Variants in NAV2 observed in about 807,000 individuals in gnomAD.
NAV2 encodes neuron navigator 2.
In NAV2, 54 loss-of-function variants were observed where a neutral mutation model predicts 223.2. The ratio of observed to expected loss-of-function variants is 0.24; its 90% CI spans 0.19 to 0.30. The LOEUF is 0.30. NAV2 is among the 10% of genes least tolerant of loss of function. The pLI is 1.00. For missense variants in NAV2, 2,806 were observed against 3,147.5 expected (o/e 0.89, Z 2.60); for synonymous variants, 1,279 against 1,239.3 (o/e 1.03, Z -0.67).
intron 1 of NAV2, among the ~76,000 whole-genome samples, chr11:19,730,510 G>A (rs1020009534): frequency 4.0e-4 from 61 of 152,218 alleles, no homozygotes; most frequent in African/African-American, 1.4e-3. Context: ...GGCTGGGGCC[G>A]GGCAGGCAGT....
At chr11:20,008,333 A>G (rs912967316) in intron 11 of NAV2, among the ~76,000 whole-genome samples, 7 of 152,132 alleles carry the variant, frequency 4.6e-5, no homozygotes, top group Admixed American at 2.6e-4. Flanking sequence ...ACTCCAGCCT[A>G]GGTGAAAAAG....
intron 2 of NAV2, 77 bp from the exon 3 acceptor site, chr11:19,842,794 C>T (rs2060581269): frequency 7.2e-7 from 1 of 1,394,802 alleles, no homozygotes; most frequent in Non-Finnish European, 1.0e-6. Flanking sequence ...GACTTGGTTG[C>T]CTCAAGTGTC....
At chr11:19,693,635 C>T (rs1185192862) in intron 1 of NAV2, among the ~76,000 whole-genome samples, 1 of 152,176 alleles carries the variant, frequency 6.6e-6, no homozygotes, top group Non-Finnish European at 1.5e-5. Context: ...TGCTGTTTCC[C>T]ACCCACACCC....
rs758450967 is a variant in NAV2, at chr11:19,933,744, A to T, written c.1500A>T (p.Lys500Asn). ...AACAGCGGGAGAAGGATAAGGAGAA[A>T]AGCAAGGACCTTGCCAAGAGAGCCT... is the stretch of plus-strand genomic sequence containing the variant. ...EKQQREKDKE[K>N]SKDLAKRASV... The change falls in exon 7 of 38, where the codon AAA becomes AAT. Residue 500 changes from lysine (K) to asparagine (N), a missense_variant. Transcript: ENST00000349880. The surrounding 1 kb of genome is among the most constrained non-coding windows in gnomAD (Gnocchi z 4.3). 2.5e-6 allele frequency: 4 copies of T among 1,614,178 alleles called. No individual in the cohort carries two copies. The highest frequency in any genetic ancestry group is 3.4e-6 in the Non-Finnish European group (4 of 1,180,032).
At chr11:19,513,757 G>A (rs1395697755) in intron 1 of NAV2, among the ~76,000 whole-genome samples, 4 of 152,186 alleles carry the variant, frequency 2.6e-5, no homozygotes, top group African/African-American at 9.7e-5. Flanking sequence ...TGAGGTTATT[G>A]GAGTGGCGTG....
At position 19,782,527 on chromosome 11, in the gene NAV2, A is replaced by G. The variant is rs563625993; in HGVS notation, c.268-49957A>G. Among the ~76,000 whole-genome samples, 75 of 152,168 alleles carry G rather than the reference A, an allele frequency of 4.9e-4. 1 individual carries two copies. The highest frequency in any genetic ancestry group is 1.6e-3 in the Admixed American group (24 of 15,298). Reference sequence around the variant, plus strand: ...TTTTTGTGTGAAGCCAGGGAAAAAAATTGTTTTGTTTCTGGCTCCTGTAAT... The same window carrying G: ...TTTTTGTGTGAAGCCAGGGAAAAAAGTTGTTTTGTTTCTGGCTCCTGTAAT... On this transcript the variant is annotated intron_variant, in intron 1 of 37. Coordinates refer to ENST00000349880, the MANE Select transcript of NAV2 (RefSeq NM_145117.5).
chr11:20,018,819 C>CT (rs1420085739), intron 11 of NAV2, among the ~76,000 whole-genome samples: 1 of 152,148 alleles, frequency 6.6e-6, no homozygotes, highest in Non-Finnish European at 1.5e-5. Flanking sequence ...GGGCCAGAGT[C>CT]TAAGAGGAAA....
chr11:19,744,781 GTCT>G (rs1262507820), intron 1 of NAV2, among the ~76,000 whole-genome samples: 1 of 152,104 alleles, frequency 6.6e-6, no homozygotes, highest in Non-Finnish European at 1.5e-5. Flanking sequence ...TCCTACAGAG[GTCT>G]TCTTTCATGC....
intron 1 of NAV2, among the ~76,000 whole-genome samples, chr11:19,586,745 G>T (rs981560963): frequency 2.0e-5 from 3 of 152,210 alleles, no homozygotes; most frequent in Non-Finnish European, 4.4e-5. Context: ...TGGAAGTTTT[G>T]TCTCAGAGGA....
chr11:19,680,224 C>T (rs926516766), intron 1 of NAV2, among the ~76,000 whole-genome samples: 3 of 152,126 alleles, frequency 2.0e-5, no homozygotes, highest in African/African-American at 4.8e-5. Flanking sequence ...TCATCCCCCA[C>T]CCCCCTCTTT....
At chr11:19,972,299 C>T (rs1409949614) in intron 10 of NAV2, among the ~76,000 whole-genome samples, 1 of 152,210 alleles carries the variant, frequency 6.6e-6, no homozygotes, top group Non-Finnish European at 1.5e-5. Flanking sequence ...AAGGTGACAT[C>T]TGGACGAGTG....
At chr11:19,568,388 C>T (rs2045331909) in intron 1 of NAV2, among the ~76,000 whole-genome samples, 1 of 152,146 alleles carries the variant, frequency 6.6e-6, no homozygotes, top group Non-Finnish European at 1.5e-5. Flanking sequence ...AATGTGAAGC[C>T]TGGGAGGATT....
At chr11:19,855,315 G>A (rs1290485744) in intron 3 of NAV2, among the ~76,000 whole-genome samples, 1 of 152,148 alleles carries the variant, frequency 6.6e-6, no homozygotes, top group Non-Finnish European at 1.5e-5. Context: ...TAGGGAAATT[G>A]AGTACCTTGC....
intron 1 of NAV2, among the ~76,000 whole-genome samples, chr11:19,520,938 C>T (rs939832991): frequency 6.6e-5 from 10 of 152,216 alleles, no homozygotes; most frequent in Admixed American, 4.6e-4. Flanking sequence ...TACAGCTCCC[C>T]TGGCCCTCGC....
At chr11:19,565,817 A>G (rs2045248804) in intron 1 of NAV2, among the ~76,000 whole-genome samples, 1 of 152,230 alleles carries the variant, frequency 6.6e-6, no homozygotes, top group African/African-American at 2.4e-5. Context: ...CTGTGCAGAC[A>G]TTTCAATTTT....
chr11:19,524,966 T>A (rs935984243), intron 1 of NAV2, among the ~76,000 whole-genome samples: 3 of 152,224 alleles, frequency 2.0e-5, no homozygotes, highest in Non-Finnish European at 4.4e-5. Context: ...AGTTTGGAGA[T>A]GTGGGGTTTT....
chr11:20,002,576 A>G (rs571662593), intron 11 of NAV2, among the ~76,000 whole-genome samples: 2 of 152,308 alleles, frequency 1.3e-5, no homozygotes, highest in East Asian at 3.9e-4. Context: ...GGAGAGAAAC[A>G]GCAGTCCCGG....
Position 19,832,524 on chromosome 11 carries a change from G to T in NAV2, c.308G>T (p.Gly103Val), listed in dbSNP as rs2060002230. The T allele has an allele frequency of 6.2e-7, 1 of 1,613,980 alleles. No individual in the cohort carries two copies. Among genetic ancestry groups the T allele is most frequent in the Non-Finnish European group, 8.5e-7 (1 of 1,180,016 alleles). Reference protein sequence around the residue: ...DWANHYLAKSGHKRLIRDLQQ... With the variant: ...DWANHYLAKSVHKRLIRDLQQ... The stretch of plus-strand genomic sequence containing the variant: ...GCCAATCATTACCTAGCCAAATCCG[G>T]CCACAAGCGTCTCATCAGGGATCTC... The change falls in exon 2 of 38, where the codon GGC becomes GTC. Residue 103 changes from glycine to valine, a missense_variant. Gly to Val is a moderately radical substitution (Grantham distance 109). This residue lies in a region of NAV2 where 1,167 missense variants were observed against 1,180.5 expected (regional missense o/e 0.99). Transcript: ENST00000349880.
chr11:19,493,937 G>C (rs138345273), intron 1 of NAV2, among the ~76,000 whole-genome samples: 2 of 152,358 alleles, frequency 1.3e-5, no homozygotes, highest in African/African-American at 4.8e-5. Flanking sequence ...TTAATGTGCT[G>C]TGTATTTTAC....
Sources: gnomAD v4.1 joint callset for allele counts (sites outside exome capture counted in the v4.1 genomes callset) on GRCh38, gnomAD v4.1.1 for gene constraint, gnomAD v4.1.1 regional missense constraint, Gnocchi (gnomAD v3.1) non-coding constraint, MANE v1.5 for transcripts, NCBI Gene and HGNC (gene_info 2026-07-23, HGNC 2026-07-21) for gene names.